The following PTPRG variants were observed in gnomAD, a reference collection of about 807,000 sequenced individuals.
The protein encoded by PTPRG is protein tyrosine phosphatase receptor type G.
In PTPRG, 102 loss-of-function variants were observed where a neutral mutation model predicts 165.3. The ratio of observed to expected loss-of-function variants is 0.62; its 90% CI spans 0.53 to 0.73. The LOEUF is 0.73. Among genes scored for constraint, PTPRG ranks in the 30% least tolerant of loss-of-function variants. The pLI, the probability that PTPRG is intolerant of heterozygous loss-of-function variation, is 0.00. For synonymous variants in PTPRG, 675 were observed against 669.5 expected (o/e 1.01, Z -0.13); for missense variants, 1,866 against 1,861.4 (o/e 1.00, Z -0.05).
rs771641444 is a variant in PTPRG, at chr3:61,989,673, G to A, written c.239G>A (p.Gly80Asp). The change falls in exon 3 of 30, where the codon GGC becomes GAC. Residue 80 changes from glycine to aspartate, a missense_variant. Gly to Asp is a moderately conservative substitution (Grantham distance 94). Transcript: ENST00000474889. Reference protein sequence around the residue: ...HWVTSSVSCGGRHQSPIDILD... With the variant: ...HWVTSSVSCGDRHQSPIDILD... ...GTCACGTCTAGTGTCAGCTGTGGGG[G>A]CCGTCACCAGTCTCCTATTGACATT... 1 of 1,614,110 alleles carries A rather than the reference G, an allele frequency of 6.2e-7. No homozygotes were observed.
intron 1 of PTPRG, among the ~76,000 whole-genome samples, chr3:61,589,515 T>C (rs1323931735): frequency 6.6e-6 from 1 of 152,196 alleles, no homozygotes; most frequent in Admixed American, 6.5e-5. Flanking sequence ...TTTCCCCCAG[T>C]TACACAACTG....
intron 25 of PTPRG, 59 bp from the exon 26 acceptor site, chr3:62,277,492 C>A (rs1010603576): frequency 1.1e-5 from 17 of 1,555,802 alleles, no homozygotes; most frequent in Non-Finnish European, 1.2e-5. Context: ...TATTTTACTA[C>A]CACAAAGTTA....
chr3:62,217,369 A>C lies in PTPRG; in HGVS notation c.2156-1482A>C, dbSNP rs1416978274. Among the ~76,000 whole-genome samples the C allele has an allele frequency of 1.3e-5, 2 of 152,220 alleles. No homozygotes were observed. The highest frequency in any genetic ancestry group is 1.9e-4 in the East Asian group (1 of 5,192). On this transcript the variant is annotated intron_variant, in intron 12 of 29. Coordinates refer to ENST00000474889, the MANE Select transcript of PTPRG (RefSeq NM_002841.4). The surrounding 1 kb of genome is among the most constrained non-coding windows in gnomAD (Gnocchi z 4.3). ...TGAAACAAAGGAGGTGGTCAACATC[A>C]AATGCATTAGAGGAAATCCAGTGAA...
chr3:61,630,382 G>T (rs2886528), intron 1 of PTPRG, among the ~76,000 whole-genome samples: 1 of 152,146 alleles, frequency 6.6e-6, no homozygotes, highest in South Asian at 2.1e-4. Flanking sequence ...AAGTTACATA[G>T]AAATAAAACA....
At chr3:61,944,194 A>G (rs1375622824) in intron 2 of PTPRG, among the ~76,000 whole-genome samples, 1 of 151,974 alleles carries the variant, frequency 6.6e-6, no homozygotes, top group African/African-American at 2.4e-5. Context: ...CTGCTGTGAC[A>G]CCTCCCATTT....
At chr3:61,772,164 A>C (rs2034230601) in intron 2 of PTPRG, among the ~76,000 whole-genome samples, 1 of 151,984 alleles carries the variant, frequency 6.6e-6, no homozygotes, top group African/African-American at 2.4e-5. Context: ...AACCAGGGAC[A>C]AACTCAGGAC....
chr3:62,056,915 A>G lies in PTPRG; in HGVS notation c.520-21248A>G, dbSNP rs1423386618. Among the ~76,000 whole-genome samples the G allele has an allele frequency of 3.9e-5, 6 of 152,298 alleles. No homozygotes were observed. In the East Asian group the frequency reaches 1.2e-3, roughly 29 times the overall value. On this transcript the variant is annotated intron_variant, in intron 4 of 29. Transcript: ENST00000474889. ...GCTCTATGTCATTCATGGACACGAG[A>G]AGGAGGTCCACAGATGGAATGGAGA...
At chr3:61,792,380 T>C (rs59041267) in intron 2 of PTPRG, among the ~76,000 whole-genome samples, 21,861 of 151,692 alleles carry the variant, frequency 0.14, 1,955 homozygotes, top group East Asian at 0.45. Context: ...TGCGCCACCA[T>C]GCCCAGCTAA....
Position 61,824,127 on chromosome 3 carries a change from C to CA in PTPRG, c.190+75157dup, listed in dbSNP as rs34044928. Among the ~76,000 whole-genome samples the CA allele has an allele frequency of 6.2e-3, 809 of 131,460 alleles. 4 individuals carry two copies. The highest frequency in any genetic ancestry group is 0.019 in the Middle Eastern group (5 of 260). The allele number at this position is 131,460 out of a possible 152,430, so 86.2% of individuals were successfully genotyped here. On this transcript the variant is annotated intron_variant, in intron 2 of 29. Coordinates refer to ENST00000474889, the MANE Select transcript of PTPRG (RefSeq NM_002841.4). ...TGGGCGACAGAGCGAGACTCCGTCTCAAAAAAAAAAAAGATGATGAAAAAT... is the reference window on the plus strand; with the variant it reads ...TGGGCGACAGAGCGAGACTCCGTCTCAAAAAAAAAAAAAGATGATGAAAAAT...
chr3:62,149,869 C>G (rs1012546062), intron 6 of PTPRG, among the ~76,000 whole-genome samples: 7 of 152,198 alleles, frequency 4.6e-5, no homozygotes, highest in South Asian at 2.1e-4. Context: ...TTTTCCCCCC[C>G]TCAATCCTGG....
intron 1 of PTPRG, among the ~76,000 whole-genome samples, chr3:61,725,072 C>T (rs2032201277): frequency 6.6e-6 from 1 of 152,130 alleles, no homozygotes; most frequent in Admixed American, 6.5e-5. Flanking sequence ...AGAAGATTTT[C>T]TCTTCTCCTT....
intron 13 of PTPRG, among the ~76,000 whole-genome samples, chr3:62,220,587 C>T (rs774520704): frequency 2.0e-5 from 3 of 152,090 alleles, no homozygotes; most frequent in Admixed American, 6.6e-5. Flanking sequence ...CTGACGGTAA[C>T]CATAAGCCCT....
intron 2 of PTPRG, among the ~76,000 whole-genome samples, chr3:61,767,593 A>G (rs2034066400): frequency 6.6e-6 from 1 of 152,220 alleles, no homozygotes; most frequent in Non-Finnish European, 1.5e-5. Context: ...CTAGAATATA[A>G]AAGGTAGAAA....
intron 2 of PTPRG, among the ~76,000 whole-genome samples, chr3:61,842,832 C>G (rs1378461040): frequency 1.3e-5 from 2 of 152,126 alleles, no homozygotes; most frequent in Non-Finnish European, 2.9e-5. Flanking sequence ...CCCTGAATGA[C>G]AACCTGGAGG....
chr3:61,930,881 T>C (rs1476730994), intron 2 of PTPRG, among the ~76,000 whole-genome samples: 1 of 152,038 alleles, frequency 6.6e-6, no homozygotes, highest in African/African-American at 2.4e-5. Flanking sequence ...GCCAATATGG[T>C]GAAACCCCAT....
chr3:62,192,133 G>A (rs2106808544), intron 9 of PTPRG, among the ~76,000 whole-genome samples: 1 of 152,174 alleles, frequency 6.6e-6, no homozygotes, highest in South Asian at 2.1e-4. Flanking sequence ...CACAGTCGCT[G>A]CCACTTCCCT....
intron 1 of PTPRG, among the ~76,000 whole-genome samples, chr3:61,596,235 C>T (rs1345776263): frequency 1.3e-5 from 2 of 152,134 alleles, no homozygotes; most frequent in Non-Finnish European, 2.9e-5. Flanking sequence ...CCCACAGTCT[C>T]AACTTGTTTT....
chr3:61,713,423 G>A lies in PTPRG; in HGVS notation c.86-35455G>A, dbSNP rs796670503. Among the ~76,000 whole-genome samples the A allele has an allele frequency of 4.0e-5, 6 of 150,922 alleles. 1 individual carries two copies. Among genetic ancestry groups the A allele is most frequent in the African/African-American group, 1.2e-4 (5 of 41,006 alleles). ...CCTGACCTCGTGATCCACCCGCCTC[G>A]GCTTCCCAAAGTGCTGGGATTACAG... On this transcript the variant is annotated intron_variant, in intron 1 of 29. Transcript: ENST00000474889.
intron 1 of PTPRG, among the ~76,000 whole-genome samples, chr3:61,709,015 C>T (rs1203612972): frequency 6.6e-6 from 1 of 152,240 alleles, no homozygotes; most frequent in East Asian, 1.9e-4. Flanking sequence ...AAAAACAATG[C>T]AGCTAGCTGC....
Sources: allele counts gnomAD v4.1 joint callset (sites outside exome capture counted in the v4.1 genomes callset), GRCh38; gene constraint gnomAD v4.1.1; non-coding constraint Gnocchi (gnomAD v3.1); transcripts MANE v1.5; gene names NCBI Gene and HGNC (gene_info 2026-07-23, HGNC 2026-07-21).